Variants in BAG2 observed in about 807,000 individuals in gnomAD.
BAG2 encodes BAG cochaperone 2, also known as BAG family molecular chaperone regulator 2.
A neutral mutation model predicts 16.4 loss-of-function variants in BAG2; 8 were observed. The observed-to-expected ratio is 0.49, with a 90% CI of 0.29 to 0.88. BAG2 has a LOEUF of 0.88. Ranked by LOEUF, BAG2 falls within the 40% of genes least tolerant of loss-of-function variation. The pLI is 0.09. For synonymous variants in BAG2, 82 were observed against 89.2 expected, an observed-to-expected ratio of 0.92 and a Z score of 0.46; for missense variants, 218 against 248.9, an observed-to-expected ratio of 0.88 and a Z score of 0.84.
chr6:57,181,966 A>G, intron 1 of BAG2, 66 bp from the exon 2 acceptor site: 4 of 1,368,728 alleles, frequency 2.9e-6, no homozygotes, highest in Non-Finnish European at 4.1e-6. Context: ...TGAATGAGAG[A>G]TAAAGAAAAT....
In BAG2 at chr6:57,183,845, A is replaced by T; in HGVS notation, c.291A>T (p.Ser97=). The T allele has an allele frequency of 6.2e-7, 1 of 1,613,764 alleles. No homozygotes were observed. The highest frequency in any genetic ancestry group is 8.5e-7 in the Non-Finnish European group (1 of 1,179,880). ...GAAGAACTCTCACCGTTGAAGTGTC[A>T]GTAGAAACAATTAGAAACCCCCAGC... ...LMGRTLTVEV[S]VETIRNPQQQ... is the part of the protein sequence containing the mutation. The change falls in exon 3 of 3, where the codon TCA becomes TCT. Residue 97 remains serine, a synonymous_variant. Transcript: ENST00000370693.
chr6:57,175,390 G>A (rs1365219193), intron 1 of BAG2, among the ~76,000 whole-genome samples: 1 of 152,038 alleles, frequency 6.6e-6, no homozygotes, highest in Non-Finnish European at 1.5e-5. Context: ...ACGTTATAAT[G>A]TTGGGGTGCT....
chr6:57,188,305 C>T lies in BAG2; in HGVS notation c.*4115C>T, dbSNP rs2127995131. On this transcript the variant is annotated 3_prime_UTR_variant, in exon 3 of 3. Coordinates refer to ENST00000370693, the MANE Select transcript of BAG2 (RefSeq NM_004282.4). ...ACTAATTATGGTTAGGTTTAAAATACAGCAGTGCAAATTAAAAATTCAAAT... is the reference window on the plus strand; with the variant it reads ...ACTAATTATGGTTAGGTTTAAAATATAGCAGTGCAAATTAAAAATTCAAAT... 6.6e-6 allele frequency: 1 copy of T among 152,220 alleles called. No individual in the cohort carries two copies. The highest frequency in any genetic ancestry group is 2.1e-4 in the South Asian group (1 of 4,830). The allele number at this position is 152,220 out of a possible 1,614,324, so 9.4% of individuals were successfully genotyped here. A position where few individuals can be genotyped will look rare whatever the true frequency, so the allele number is the denominator to read the frequency against.
At chr6:57,174,256 C>T (rs1198674861) in intron 1 of BAG2, 2 of 1,261,560 alleles carry the variant, frequency 1.6e-6, no homozygotes, top group Non-Finnish European at 2.1e-6. Flanking sequence ...ACGTTGAGGG[C>T]ATGTTCTCAA....
intron 1 of BAG2, chr6:57,174,465 CTACTGTTTGATTAATGT>C: frequency 8.7e-7 from 1 of 1,155,632 alleles, no homozygotes; most frequent in Non-Finnish European, 1.2e-6. Flanking sequence ...TTATTATATT[CTACTGTTTGATTAATGT>C]AAAATGAATT....
Position 57,184,406 on chromosome 6 carries a change from C to T in BAG2, c.*216C>T. The T allele has an allele frequency of 2.5e-6, 1 of 394,838 alleles. No individual in the cohort carries two copies. The highest frequency in any genetic ancestry group is 4.4e-6 in the Non-Finnish European group (1 of 228,310). The allele number at this position is 394,838 out of a possible 1,614,324, so 24.5% of individuals were successfully genotyped here. On this transcript the variant is annotated 3_prime_UTR_variant, in exon 3 of 3. Coordinates refer to ENST00000370693, the MANE Select transcript of BAG2 (RefSeq NM_004282.4). ...ATCTAGAGATTTTTTAGATTGAATT[C>T]TTGTCTTGTACTAGGATCTAGCATA...
chr6:57,173,384 T>C, intron 1 of BAG2: 2 of 985,286 alleles, frequency 2.0e-6, no homozygotes, highest in African/African-American at 1.7e-5. Context: ...ACCGGGTGCT[T>C]CGTGCAGCAG....
intron 1 of BAG2, chr6:57,173,080 C>T (rs1250095124): frequency 5.3e-6 from 5 of 941,986 alleles, no homozygotes; most frequent in Non-Finnish European, 6.7e-6. Context: ...ATTAATTTAC[C>T]TAGGTGTTAG....
intron 1 of BAG2, chr6:57,173,367 G>A: frequency 1.0e-6 from 1 of 985,396 alleles, no homozygotes; most frequent in Non-Finnish European, 1.2e-6. Flanking sequence ...GGGGTAGGCA[G>A]TAAGTTACCG....
Position 57,188,314 on chromosome 6 carries a change from A to T in BAG2, c.*4124A>T, listed in dbSNP as rs1175454040. The T allele has an allele frequency of 1.3e-5, 2 of 152,192 alleles. No individual in the cohort carries two copies. Among genetic ancestry groups the T allele is most frequent in the Admixed American group, 1.3e-4 (2 of 15,282 alleles). The allele number at this position is 152,192 out of a possible 1,614,324, so 9.4% of individuals were successfully genotyped here. On this transcript the variant is annotated 3_prime_UTR_variant, in exon 3 of 3. Coordinates refer to ENST00000370693, the MANE Select transcript of BAG2 (RefSeq NM_004282.4). Reference sequence around the variant, plus strand: ...GGTTAGGTTTAAAATACAGCAGTGCAAATTAAAAATTCAAATATGTAACAA... The same window carrying T: ...GGTTAGGTTTAAAATACAGCAGTGCTAATTAAAAATTCAAATATGTAACAA...
chr6:57,183,674 A>C, intron 2 of BAG2, 104 bp from the exon 3 acceptor site: 3 of 1,044,564 alleles, frequency 2.9e-6, no homozygotes, highest in East Asian at 2.6e-5. Flanking sequence ...TTTTATCTCT[A>C]AAAAAATTTC....
At chr6:57,181,604 G>A (rs1764446806) in intron 1 of BAG2, among the ~76,000 whole-genome samples, 1 of 152,146 alleles carries the variant, frequency 6.6e-6, no homozygotes, top group Non-Finnish European at 1.5e-5. Context: ...GGAGGCTGAG[G>A]CACGAGAATC....
chr6:57,182,246 G>A, intron 2 of BAG2, 105 bp downstream of exon 2: 1 of 812,536 alleles, frequency 1.2e-6, no homozygotes, highest in South Asian at 1.8e-5. Context: ...CGTACACCAG[G>A]CCACAGCATT....
rs1443641424 is a variant in BAG2, at chr6:57,172,540, C to T, written c.-158C>T. 1 of 535,416 alleles carries T rather than the reference C, an allele frequency of 1.9e-6. No homozygotes were observed. The highest frequency in any genetic ancestry group is 3.1e-6 in the Non-Finnish European group (1 of 321,364). 33.2% of individuals were successfully genotyped at this position (535,416 alleles called of 1,614,324 possible). A position where few individuals can be genotyped will look rare whatever the true frequency, so the allele number is the denominator to read the frequency against. On this transcript the variant is annotated 5_prime_UTR_variant, in exon 1 of 3. Coordinates refer to ENST00000370693, the MANE Select transcript of BAG2 (RefSeq NM_004282.4). ...CTGCCCTTCTTTGGCTACGCTGCAG[C>T]CGCGGTGTCGGCGAGTCCTCCCGGG...
At chr6:57,180,537 G>A (rs963954113) in intron 1 of BAG2, among the ~76,000 whole-genome samples, 1 of 151,994 alleles carries the variant, frequency 6.6e-6, no homozygotes, top group African/African-American at 2.4e-5. Context: ...ATATACATTC[G>A]CTAGGGGAAA....
In BAG2 at chr6:57,186,742, T is replaced by TAA. The variant is rs1318370296; in HGVS notation, c.*2553_*2554dup. On this transcript the variant is annotated 3_prime_UTR_variant, in exon 3 of 3. Transcript: ENST00000370693. ...AAACTATTGTCTTTTATATAGACTA[T>TAA]AAGTGGATATAGAGTATGTTTTGCT... 1.3e-5 allele frequency: 2 copies of TAA among 152,240 alleles called. No individual in the cohort carries two copies. Among genetic ancestry groups the TAA allele is most frequent in the African/African-American group, 4.8e-5 (2 of 41,458 alleles). 9.4% of individuals were successfully genotyped at this position (152,240 alleles called of 1,614,324 possible). A position where few individuals can be genotyped will look rare whatever the true frequency, so the allele number is the denominator to read the frequency against.
In BAG2 at chr6:57,187,930, T is replaced by TAA. The variant is rs1304619284; in HGVS notation, c.*3741_*3742dup. 6.6e-6 allele frequency: 1 copy of TAA among 152,020 alleles called. No individual in the cohort carries two copies. The highest frequency in any genetic ancestry group is 1.9e-4 in the East Asian group (1 of 5,204). The allele number at this position is 152,020 out of a possible 1,614,324, so 9.4% of individuals were successfully genotyped here. A position where few individuals can be genotyped will look rare whatever the true frequency, so the allele number is the denominator to read the frequency against. On this transcript the variant is annotated 3_prime_UTR_variant, in exon 3 of 3. Transcript: ENST00000370693. ...GGAAATCATTTAACCTGGTTTTATT[T>TAA]AACTATATTGCCTTATATGGGTCAT...
rs1297331188 is a variant in BAG2 at position 57,187,023 on chromosome 6, T to G, written c.*2833T>G. 1 of 152,194 alleles carries G rather than the reference T, an allele frequency of 6.6e-6. No individual in the cohort carries two copies. The highest frequency in any genetic ancestry group is 1.5e-5 in the Non-Finnish European group (1 of 68,010). 9.4% of individuals were successfully genotyped at this position (152,194 alleles called of 1,614,324 possible). On this transcript the variant is annotated 3_prime_UTR_variant, in exon 3 of 3. Transcript: ENST00000370693. ...CTTTGAAATGCATTTATTTTCTGATTATTGGAATTCATCCTTCATGAAATT... is the reference window on the plus strand; with the variant it reads ...CTTTGAAATGCATTTATTTTCTGATGATTGGAATTCATCCTTCATGAAATT...
At chr6:57,173,152 T>C (rs1201644821) in intron 1 of BAG2, 8 of 1,013,352 alleles carry the variant, frequency 7.9e-6, no homozygotes, top group African/African-American at 1.7e-5. Flanking sequence ...TTAAGGACTG[T>C]GGCAGCTTGG....
Sources: gnomAD v4.1 joint callset for allele counts (sites outside exome capture counted in the v4.1 genomes callset) on GRCh38, gnomAD v4.1.1 for gene constraint, MANE v1.5 for transcripts, NCBI Gene and HGNC (gene_info 2026-07-23, HGNC 2026-07-21) for gene names.